RBFOX1: variants seen among roughly 807,000 people sequenced by gnomAD.
RBFOX1 encodes the protein RNA binding protein fox-1 homolog 1.
In RBFOX1, 8 loss-of-function variants were observed where a neutral mutation model predicts 57.7. That is an observed-to-expected ratio of 0.14 (90% confidence interval 0.08 to 0.25). RBFOX1 has a LOEUF of 0.25. RBFOX1 is among the 10% of genes least tolerant of loss of function. The probability of loss-of-function intolerance (pLI) is 1.00; values close to 1 mark genes in which losing one functional copy is unlikely to be tolerated. For missense variants in RBFOX1, 611 were observed against 548.5 expected (o/e 1.11, Z -1.14); for synonymous variants, 326 against 222.4 (o/e 1.47, Z -4.15).
intron 4 of RBFOX1, among the ~76,000 whole-genome samples, chr16:7,054,790 C>A (rs1306055565): frequency 1.3e-5 from 2 of 152,176 alleles, no homozygotes; most frequent in Non-Finnish European, 2.9e-5. Flanking sequence ...GATGACTGGA[C>A]TGTGGCCGTG....
intron 4 of RBFOX1, among the ~76,000 whole-genome samples, chr16:7,396,573 T>C (rs2098142334): frequency 6.6e-6 from 1 of 152,182 alleles, no homozygotes; most frequent in African/African-American, 2.4e-5. Flanking sequence ...CATTCTGGAC[T>C]TAACGTTACT....
chr16:5,585,097 C>A (rs2046788939), intron 2 of RBFOX1, among the ~76,000 whole-genome samples: 1 of 152,052 alleles, frequency 6.6e-6, no homozygotes, highest in African/African-American at 2.4e-5. Context: ...CAGCCGTCAC[C>A]TCTATCTCAT....
chr16:5,670,162 C>T (rs1009143856), intron 3 of RBFOX1, among the ~76,000 whole-genome samples: 2 of 151,086 alleles, frequency 1.3e-5, no homozygotes, highest in Non-Finnish European at 2.9e-5. Context: ...TTAGTGGTTA[C>T]TGGGGGCTGG....
intron 5 of RBFOX1, among the ~76,000 whole-genome samples, chr16:7,542,465 A>G (rs1324919975): frequency 1.3e-5 from 2 of 152,128 alleles, no homozygotes; most frequent in Non-Finnish European, 2.9e-5. Context: ...ACATGGGGAA[A>G]GAGGCAAAAT....
chr16:6,044,467 C>T (rs1373026162), intron 1 of RBFOX1, among the ~76,000 whole-genome samples: 1 of 147,318 alleles, frequency 6.8e-6, no homozygotes, highest in Non-Finnish European at 1.5e-5. Context: ...TTGCCCTTGT[C>T]TTAGAAGACC....
intron 4 of RBFOX1, among the ~76,000 whole-genome samples, chr16:7,092,299 G>C (rs1456857264): frequency 6.6e-6 from 1 of 152,138 alleles, no homozygotes; most frequent in African/African-American, 2.4e-5. Flanking sequence ...TTAAAAGCCT[G>C]TATCAATTGT....
intron 4 of RBFOX1, among the ~76,000 whole-genome samples, chr16:5,896,037 G>T (rs550052969): frequency 1.3e-5 from 2 of 152,254 alleles, no homozygotes; most frequent in Non-Finnish European, 1.5e-5. Context: ...TACTTCAGAT[G>T]CCGAGCCTGA....
At chr16:5,759,557 A>G (rs2053521919) in intron 3 of RBFOX1, among the ~76,000 whole-genome samples, 1 of 152,186 alleles carries the variant, frequency 6.6e-6, no homozygotes, top group South Asian at 2.1e-4. Flanking sequence ...AGCTCTTTCT[A>G]TTTCTGTATT....
At chr16:6,605,084 C>G (rs1313215908) in intron 2 of RBFOX1, among the ~76,000 whole-genome samples, 1 of 151,770 alleles carries the variant, frequency 6.6e-6, no homozygotes, top group Non-Finnish European at 1.5e-5. Context: ...TATATACACA[C>G]ACAAATTAGC....
intron 1 of RBFOX1, among the ~76,000 whole-genome samples, chr16:6,238,468 G>C (rs1161388495): frequency 6.6e-6 from 1 of 152,152 alleles, no homozygotes; most frequent in Non-Finnish European, 1.5e-5. Flanking sequence ...ATTGCCAGAA[G>C]ACAAAATAAC....
chr16:7,267,693 A>G (rs1447183782), intron 4 of RBFOX1, among the ~76,000 whole-genome samples: 1 of 152,088 alleles, frequency 6.6e-6, no homozygotes, highest in Non-Finnish European at 1.5e-5. Context: ...CATCTTTACT[A>G]AAAATACAAA....
At chr16:6,761,771 C>G (rs565133109) in intron 3 of RBFOX1, among the ~76,000 whole-genome samples, 1 of 151,974 alleles carries the variant, frequency 6.6e-6, no homozygotes, top group African/African-American at 2.4e-5. Flanking sequence ...CCCTAAAGTG[C>G]TGGGATTACA....
chr16:7,132,613 A>C (rs1222119822), intron 4 of RBFOX1, among the ~76,000 whole-genome samples: 6 of 152,006 alleles, frequency 3.9e-5, no homozygotes, highest in Admixed American at 3.9e-4. Context: ...GCTGAAAAAA[A>C]AAAACCACAC....
At chr16:6,448,220 C>T (rs575316703) in intron 2 of RBFOX1, among the ~76,000 whole-genome samples, 29 of 118,366 alleles carry the variant, frequency 2.5e-4, no homozygotes, top group African/African-American at 6.7e-4. Context: ...AATGGAGTGG[C>T]GTGATTTTGG....
intron 3 of RBFOX1, among the ~76,000 whole-genome samples, chr16:6,975,326 C>T (rs1303533967): frequency 2.0e-5 from 3 of 151,972 alleles, no homozygotes; most frequent in South Asian, 2.1e-4. Flanking sequence ...AGTGCAGTGG[C>T]ACAATATCAG....
At chr16:7,284,468 C>T (rs1186814958) in intron 4 of RBFOX1, among the ~76,000 whole-genome samples, 2 of 151,866 alleles carry the variant, frequency 1.3e-5, no homozygotes, top group East Asian at 3.9e-4. Flanking sequence ...GTAGCTGGGA[C>T]CACAGGCACT....
At chr16:6,822,053 C>G (rs1005769130) in intron 3 of RBFOX1, among the ~76,000 whole-genome samples, 1 of 152,110 alleles carries the variant, frequency 6.6e-6, no homozygotes, top group Non-Finnish European at 1.5e-5. Flanking sequence ...AAGTGATCAT[C>G]ATACTGAGAC....
intron 13 of RBFOX1, among the ~76,000 whole-genome samples, chr16:7,674,196 A>C (rs1162346513): frequency 6.6e-6 from 1 of 152,194 alleles, no homozygotes; most frequent in Non-Finnish European, 1.5e-5. Flanking sequence ...TGCAGTAAAG[A>C]TAGAGGAGAG....
chr16:5,859,223 A>G (rs1374005042), intron 3 of RBFOX1, among the ~76,000 whole-genome samples: 2 of 152,114 alleles, frequency 1.3e-5, no homozygotes, highest in Admixed American at 1.3e-4. Flanking sequence ...AAACAAAAAC[A>G]AAAACAACCC....
Sources: gnomAD v4.1 joint callset for allele counts (sites outside exome capture counted in the v4.1 genomes callset) on GRCh38, gnomAD v4.1.1 for gene constraint, MANE v1.5 for transcripts, NCBI Gene and HGNC (gene_info 2026-07-23, HGNC 2026-07-21) for gene names.